The following NBPF3 variants were observed in gnomAD, a reference collection of about 807,000 sequenced individuals.
The protein encoded by NBPF3 is NBPF family member NBPF3.
Under a neutral mutation model 78.1 loss-of-function variants are expected in NBPF3, and 57 were observed. The observed-to-expected ratio is 0.73, with a 90% confidence interval of 0.59 to 0.91. The LOEUF is 0.91. Among genes scored for constraint, NBPF3 ranks in the 40% least tolerant of loss-of-function variants. The probability of loss-of-function intolerance (pLI) is 0.00; values close to 1 mark genes in which losing one functional copy is unlikely to be tolerated. For synonymous variants in NBPF3, 182 were observed against 271.7 expected, an observed-to-expected ratio of 0.67 and a Z score of 3.25; for missense variants, 510 against 715.3, an observed-to-expected ratio of 0.71 and a Z score of 3.27.
chr1:21,474,636 AT>A (rs1397221348), intron 7 of NBPF3, among the ~76,000 whole-genome samples: 2 of 152,074 alleles, frequency 1.3e-5, no homozygotes, highest in African/African-American at 4.8e-5. Context: ...TGGGGGGAAA[AT>A]TTTGTTTAAC....
intron 2 of NBPF3, among the ~76,000 whole-genome samples, chr1:21,466,527 A>C (rs1642275001): frequency 1.3e-5 from 2 of 152,278 alleles, no homozygotes; most frequent in Non-Finnish European, 2.9e-5. Context: ...GGAAGACCCA[A>C]GTCTCATACT....
chr1:21,479,297 G>C, intron 9 of NBPF3, 52 bp from the exon 10 acceptor site: 1 of 1,572,750 alleles, frequency 6.4e-7, no homozygotes, highest in Non-Finnish European at 8.7e-7. Context: ...ATGTTTCCGT[G>C]TGCAAGGAAG....
At chr1:21,449,525 G>A (rs2147914015) in intron 2 of NBPF3, among the ~76,000 whole-genome samples, 1 of 152,112 alleles carries the variant, frequency 6.6e-6, no homozygotes, top group South Asian at 2.1e-4. Context: ...AGGCTGGAAT[G>A]TAATGGCGTG....
upstream of NBPF3, chr1:21,437,527 G>C (rs1379362389): frequency 7.1e-7 from 1 of 1,414,964 alleles, no homozygotes; most frequent in African/African-American, 1.4e-5. Flanking sequence ...AGAAGCTCCT[G>C]AGCAGGTGCT....
rs1642650858 is a variant in NBPF3 at position 21,472,419 on chromosome 1, C to G, written c.662-424C>G. On this transcript the variant is annotated intron_variant, in intron 5 of 14. Coordinates refer to ENST00000318249, the MANE Select transcript of NBPF3 (RefSeq NM_032264.6). ...AACAGGGCAGAAGCCACATGGAGGG[C>G]CTGTGCAGTCTCCTGATGCATAGAG... is the stretch of plus-strand genomic sequence containing the variant. Among the ~76,000 whole-genome samples, 4 of 152,292 alleles carry G rather than the reference C, an allele frequency of 2.6e-5. No individual in the cohort carries two copies. The South Asian group carries it at 8.3e-4, about 32-fold the overall frequency.
In NBPF3 at chr1:21,479,820, C is replaced by CTCTG. The variant is rs766796014; in HGVS notation, c.1209-230_1209-229insCTGT. Among the ~76,000 whole-genome samples, 136 of 102,880 alleles carry CTCTG rather than the reference C, an allele frequency of 1.3e-3. No homozygotes were observed. In the East Asian group the frequency reaches 0.016, roughly 12 times the overall value. The allele number at this position is 102,880 out of a possible 152,430, so 67.5% of individuals were successfully genotyped here. A position where few individuals can be genotyped will look rare whatever the true frequency, so the allele number is the denominator to read the frequency against. On this transcript the variant is annotated intron_variant, in intron 10 of 14. Transcript: ENST00000318249. ...TCTCTCTCTCTCTCTCTCTCTCTCTCTGTGTGTGTGTGTGTGTGTGTGTGT... is the reference window on the plus strand; with the variant it reads ...TCTCTCTCTCTCTCTCTCTCTCTCTCTCTGTGTGTGTGTGTGTGTGTGTGTGTGT...
chr1:21,448,373 A>G (rs1641110604), intron 2 of NBPF3, among the ~76,000 whole-genome samples: 4 of 151,658 alleles, frequency 2.6e-5, no homozygotes, highest in Admixed American at 2.6e-4. Flanking sequence ...TTCTAGCACC[A>G]CTAGTTGGAA....
intron 2 of NBPF3, chr1:21,454,288 A>T (rs1569968074): frequency 6.6e-6 from 1 of 152,232 alleles, no homozygotes; most frequent in South Asian, 2.1e-4. Flanking sequence ...CAAATAAGAG[A>T]ATAAATGCCT....
chr1:21,437,445 G>T, upstream of NBPF3: 3 of 1,414,728 alleles, frequency 2.1e-6, no homozygotes, highest in Non-Finnish European at 2.8e-6. Flanking sequence ...TAGCGCCTGC[G>T]GGACAAGACC....
chr1:21,466,921 A>T (rs1442563433), intron 2 of NBPF3: 6 of 914,524 alleles, frequency 6.6e-6, no homozygotes, highest in African/African-American at 1.8e-5. Flanking sequence ...GTAAATAATT[A>T]TGTGAATATT....
Position 21,470,660 on chromosome 1 carries a change from AT to A in NBPF3, c.373del (p.Ser125LeufsTer3). 6.3e-7 allele frequency: 1 copy of A among 1,599,478 alleles called. No homozygotes were observed. Among genetic ancestry groups the A allele is most frequent in the Non-Finnish European group, 8.5e-7 (1 of 1,170,562 alleles). On this transcript the variant is annotated frameshift_variant, in exon 4 of 15. Coordinates refer to ENST00000318249, the MANE Select transcript of NBPF3 (RefSeq NM_032264.6). LOFTEE classifies it high-confidence loss of function. ...DYEDCKDLIK[S>X]MLRDERLLTE... is the part of the protein sequence containing the mutation. ...ATGAAGACTGCAAAGACCTCATAAA[AT>A]CTATGCTGAGGGATGAGCGGCTGCT...
Position 21,479,820 on chromosome 1 carries a change from C to CTCTGTG in NBPF3, c.1209-230_1209-229insCTGTGT, listed in dbSNP as rs766796014. Among the ~76,000 whole-genome samples, 168 of 102,882 alleles carry CTCTGTG rather than the reference C, an allele frequency of 1.6e-3. 1 individual carries two copies. Among genetic ancestry groups the CTCTGTG allele is most frequent in the African/African-American group, 5.1e-3 (153 of 29,774 alleles). The allele number at this position is 102,882 out of a possible 152,430, so 67.5% of individuals were successfully genotyped here. A position where few individuals can be genotyped will look rare whatever the true frequency, so the allele number is the denominator to read the frequency against. ...TCTCTCTCTCTCTCTCTCTCTCTCT[C>CTCTGTG]TGTGTGTGTGTGTGTGTGTGTGTGT... On this transcript the variant is annotated intron_variant, in intron 10 of 14. Transcript: ENST00000318249.
chr1:21,436,844 G>C, upstream of NBPF3: 1 of 868,056 alleles, frequency 1.2e-6, no homozygotes, highest in Non-Finnish European at 1.5e-6. This position sits in a 1 kb window ranked among gnomAD's most constrained non-coding sequence, Gnocchi z 4.3. Flanking sequence ...GGTGCAGCCA[G>C]AGGCCCGGGG....
At chr1:21,445,542 C>A (rs1328663216) in intron 2 of NBPF3, among the ~76,000 whole-genome samples, 4 of 143,130 alleles carry the variant, frequency 2.8e-5, no homozygotes, top group Non-Finnish European at 6.1e-5. Flanking sequence ...GCCCCCATTT[C>A]TCTCTGTTTC....
chr1:21,477,456 T>G (rs1642945066), intron 8 of NBPF3, among the ~76,000 whole-genome samples: 1 of 152,184 alleles, frequency 6.6e-6, no homozygotes, highest in Non-Finnish European at 1.5e-5. Flanking sequence ...CAGATGGGGT[T>G]TTGGTGTGGA....
chr1:21,472,896 C>T lies in NBPF3; in HGVS notation c.715C>T (p.Gln239Ter), dbSNP rs1325852742. ...TAAAGTTGAGGAGGCTGAGAAAGTA[C>T]AGGAATTATATGCCCCCAGGTAACG... ...DVKVEEAEKVQELYAPREVQK... is the reference protein window; with the variant it reads ...DVKVEEAEKV Residue 239 changes from glutamine to a stop codon, truncating the protein, a stop_gained, in exon 6 of 15, where the codon CAG (glutamine) becomes TAG (stop). Transcript: ENST00000318249. LOFTEE classifies it high-confidence loss of function. 1.2e-6 allele frequency: 2 copies of T among 1,612,032 alleles called. No individual in the cohort carries two copies. Among genetic ancestry groups the T allele is most frequent in the East Asian group, 4.5e-5 (2 of 44,878 alleles).
intron 2 of NBPF3, chr1:21,468,435 C>T: frequency 7.2e-7 from 1 of 1,379,450 alleles, no homozygotes; most frequent in Non-Finnish European, 9.4e-7. Context: ...GTTATTGCAA[C>T]TGCAGACCGT....
At chr1:21,475,141 G>T (rs1397826796) in intron 8 of NBPF3, among the ~76,000 whole-genome samples, 190 bp downstream of exon 8, 1 of 152,180 alleles carries the variant, frequency 6.6e-6, no homozygotes, top group African/African-American at 2.4e-5. Context: ...TCTCAAGATA[G>T]GAACTTGCAA....
intron 2 of NBPF3, among the ~76,000 whole-genome samples, chr1:21,451,292 A>G (rs1472506367): frequency 6.6e-6 from 1 of 152,224 alleles, no homozygotes; most frequent in African/African-American, 2.4e-5. Context: ...ACATTCTTGT[A>G]TAAATCATTT....
Sources: gnomAD v4.1 joint callset for allele counts (sites outside exome capture counted in the v4.1 genomes callset) on GRCh38, gnomAD v4.1.1 for gene constraint, Gnocchi (gnomAD v3.1) non-coding constraint, MANE v1.5 for transcripts, NCBI Gene and HGNC (gene_info 2026-07-23, HGNC 2026-07-21) for gene names.